Variants in C8orf34 observed in about 807,000 individuals in gnomAD.
The protein encoded by C8orf34 is chromosome 8 open reading frame 34, also known as uncharacterized protein C8orf34.
In C8orf34, 65 loss-of-function variants were observed where a neutral mutation model predicts 68.3. The ratio of observed to expected loss-of-function variants is 0.95; its 90% CI spans 0.78 to 1.17. The LOEUF (loss-of-function observed/expected upper bound fraction) is 1.17. C8orf34 is among the 50% of genes most tolerant of loss of function. The probability of loss-of-function intolerance (pLI) is 0.00; values close to 1 mark genes in which losing one functional copy is unlikely to be tolerated. For missense variants in C8orf34, 664 were observed against 655.4 expected (o/e 1.01, Z -0.14); for synonymous variants, 244 against 241.2 (o/e 1.01, Z -0.11).
At position 68,592,142 on chromosome 8, in the gene C8orf34, T is replaced by C. The variant is rs563847200; in HGVS notation, c.1106-48234T>C. ...GTCCCTGCAATGTCTCCATTTATTT[T>C]ATAGAGATATTTTTTCTTTCATCCT... On this transcript the variant is annotated intron_variant, in intron 7 of 13. Coordinates refer to ENST00000518698, the MANE Select transcript of C8orf34 (RefSeq NM_052958.4). 3.3e-3 allele frequency among the ~76,000 whole-genome samples: 505 copies of C among 152,308 alleles called. 4 individuals carry two copies. Among genetic ancestry groups the C allele is most frequent in the African/African-American group, 0.012 (485 of 41,578 alleles).
intron 9 of C8orf34, among the ~76,000 whole-genome samples, chr8:68,716,224 C>T (rs1420582379): frequency 6.6e-6 from 1 of 151,938 alleles, no homozygotes; most frequent in Non-Finnish European, 1.5e-5. Context: ...TACACTGCTC[C>T]AGTGATGGGT....
intron 7 of C8orf34, among the ~76,000 whole-genome samples, chr8:68,635,266 T>C (rs533720638): frequency 6.6e-6 from 1 of 152,298 alleles, no homozygotes; most frequent in South Asian, 2.1e-4. Flanking sequence ...CTGTGTCTTA[T>C]TAGTTGAAAA....
rs929266183 is a variant in C8orf34, at chr8:68,527,829, A to T, written c.939-5154A>T. On this transcript the variant is annotated intron_variant, in intron 6 of 13. Transcript: ENST00000518698. ...GAAAAACCCCTCTTGTTCTGATCTCACTCAACACCATCTGTATGAACACTC... is the reference window on the plus strand; with the variant it reads ...GAAAAACCCCTCTTGTTCTGATCTCTCTCAACACCATCTGTATGAACACTC... Among the ~76,000 whole-genome samples, 6 of 152,218 alleles carry T rather than the reference A, an allele frequency of 3.9e-5. No homozygotes were observed. In the South Asian group the frequency reaches 1.2e-3, roughly 32 times the overall value.
chr8:68,773,437 G>A (rs1273595324), intron 10 of C8orf34, among the ~76,000 whole-genome samples: 3 of 151,736 alleles, frequency 2.0e-5, no homozygotes, highest in Non-Finnish European at 2.9e-5. Context: ...GTCTTGCTCC[G>A]TCGCCCAGGT....
At chr8:68,464,506 A>G (rs947344631) in intron 3 of C8orf34, among the ~76,000 whole-genome samples, 2 of 151,960 alleles carry the variant, frequency 1.3e-5, no homozygotes, top group African/African-American at 4.8e-5. Context: ...ATCCTAAGCC[A>G]AAAGAACAAA....
At chr8:68,371,738 T>C (rs1807573024) in intron 1 of C8orf34, among the ~76,000 whole-genome samples, 1 of 152,098 alleles carries the variant, frequency 6.6e-6, no homozygotes, top group African/African-American at 2.4e-5. Context: ...TAGCTGGGAT[T>C]ACAGGCATGC....
At chr8:68,336,495 CTTG>C (rs1443084748) in intron 1 of C8orf34, among the ~76,000 whole-genome samples, 2 of 152,054 alleles carry the variant, frequency 1.3e-5, no homozygotes, top group Non-Finnish European at 2.9e-5. Context: ...TAGAATGAAC[CTTG>C]TTGTGTTGGA....
At chr8:68,544,780 A>C (rs960483708) in intron 7 of C8orf34, among the ~76,000 whole-genome samples, 1 of 152,168 alleles carries the variant, frequency 6.6e-6, no homozygotes, top group African/African-American at 2.4e-5. Flanking sequence ...TGTAAGATTG[A>C]TAGCTTATCA....
chr8:68,766,592 A>G (rs1823182745), intron 10 of C8orf34, among the ~76,000 whole-genome samples: 1 of 152,216 alleles, frequency 6.6e-6, no homozygotes, highest in African/African-American at 2.4e-5. Context: ...CTGATATGTA[A>G]CCAATAAGGA....
At chr8:68,572,720 T>C (rs1816792850) in intron 7 of C8orf34, among the ~76,000 whole-genome samples, 2 of 152,098 alleles carry the variant, frequency 1.3e-5, no homozygotes, top group Admixed American at 1.3e-4. Context: ...TGCTTTAGTG[T>C]CCCATAAACA....
chr8:68,815,880 G>C lies in C8orf34; in HGVS notation c.1550-6G>C. On this transcript the variant is annotated splice_region_variant and splice_polypyrimidine_tract_variant and intron_variant, in intron 12 of 13. Transcript: ENST00000518698. ...GCATATTATCTCTGTTTCTTTTGTT[G>C]TGCAGGTTCCGCTGATCTTCTTCTT... is the stretch of plus-strand genomic sequence containing the variant. The C allele has an allele frequency of 6.2e-7, 1 of 1,613,620 alleles. No homozygotes were observed. The highest frequency in any genetic ancestry group is 1.1e-5 in the South Asian group (1 of 91,064).
chr8:68,678,683 A>G (rs1820267767), intron 8 of C8orf34, among the ~76,000 whole-genome samples: 1 of 152,178 alleles, frequency 6.6e-6, no homozygotes, highest in African/African-American at 2.4e-5. Context: ...GATCTGGAAC[A>G]CAGCAAGGAT....
intron 12 of C8orf34, among the ~76,000 whole-genome samples, chr8:68,808,383 T>C (rs1254053799): frequency 6.6e-6 from 1 of 152,126 alleles, no homozygotes; most frequent in African/African-American, 2.4e-5. Flanking sequence ...TAATGGTTTT[T>C]ATTTTTGCCA....
intron 7 of C8orf34, among the ~76,000 whole-genome samples, chr8:68,552,064 C>G (rs1278846904): frequency 1.3e-5 from 2 of 152,076 alleles, no homozygotes; most frequent in African/African-American, 4.8e-5. Context: ...TTTCTGGACT[C>G]TCAATTTTAT....
At chr8:68,668,863 C>T (rs1819922127) in intron 8 of C8orf34, among the ~76,000 whole-genome samples, 1 of 152,096 alleles carries the variant, frequency 6.6e-6, no homozygotes, top group Admixed American at 6.5e-5. Flanking sequence ...GACTGACAGC[C>T]AGCAAGGAGA....
At chr8:68,537,331 CTT>C (rs1477764947) in intron 7 of C8orf34, among the ~76,000 whole-genome samples, 2 of 151,958 alleles carry the variant, frequency 1.3e-5, no homozygotes, top group Non-Finnish European at 2.9e-5. Context: ...CTTTTTATCT[CTT>C]TGTTTCTTTT....
rs533675587 is a variant in C8orf34 at position 68,683,904 on chromosome 8, C to G, written c.1242-25090C>G. Among the ~76,000 whole-genome samples, 3 of 152,268 alleles carry G rather than the reference C, an allele frequency of 2.0e-5. No individual in the cohort carries two copies. In the East Asian group the frequency reaches 5.8e-4, roughly 30 times the overall value. The stretch of plus-strand genomic sequence containing the variant: ...CTGACTGTGTTCCCAGTGAGTGTAA[C>G]TCCCAGATGGTAATGGCCAACAAGG... On this transcript the variant is annotated intron_variant, in intron 8 of 13. Coordinates refer to ENST00000518698, the MANE Select transcript of C8orf34 (RefSeq NM_052958.4).
At chr8:68,466,201 A>G (rs1812126816) in intron 3 of C8orf34, among the ~76,000 whole-genome samples, 1 of 151,718 alleles carries the variant, frequency 6.6e-6, no homozygotes, top group Admixed American at 6.6e-5. Flanking sequence ...AGGGATTGAA[A>G]GATAGATAAC....
At chr8:68,665,340 G>A (rs201002960) in intron 8 of C8orf34, among the ~76,000 whole-genome samples, 2 of 152,120 alleles carry the variant, frequency 1.3e-5, no homozygotes, top group Non-Finnish European at 2.9e-5. Context: ...TGTCTGTTTT[G>A]TTCACTGCTA....
Sources: allele counts gnomAD v4.1 joint callset (sites outside exome capture counted in the v4.1 genomes callset), GRCh38; gene constraint gnomAD v4.1.1; transcripts MANE v1.5; gene names NCBI Gene and HGNC (gene_info 2026-07-23, HGNC 2026-07-21).